The following STX17 variants were observed in gnomAD, a reference collection of about 807,000 sequenced individuals.
STX17 encodes syntaxin-17.
STX17 carries 29 observed loss-of-function variants against 35.9 expected under a neutral mutation model. That is an observed-to-expected ratio of 0.81 (90% CI 0.60 to 1.10). STX17 has a LOEUF of 1.10. Among genes scored for constraint, STX17 ranks in the 50% least tolerant of loss-of-function variants. The pLI is 0.00. For synonymous variants in STX17, 92 were observed against 118.3 expected, an observed-to-expected ratio of 0.78 and a Z score of 1.44; for missense variants, 312 against 352.3, an observed-to-expected ratio of 0.89 and a Z score of 0.92.
At chr9:99,934,326 G>C (rs2118398380) in intron 3 of STX17, among the ~76,000 whole-genome samples, 1 of 152,258 alleles carries the variant, frequency 6.6e-6, no homozygotes, top group South Asian at 2.1e-4. Flanking sequence ...AATTCAGGTG[G>C]ATAGGGATTC....
rs78931902 is a variant in STX17, at chr9:99,930,733, T to C, written c.189+1890T>C. Reference sequence around the variant, plus strand: ...TATTATGCCTTCCTCATTTTTGCTTTATTCTGTTGTTTTATTGGAGTAATC... The same window carrying C: ...TATTATGCCTTCCTCATTTTTGCTTCATTCTGTTGTTTTATTGGAGTAATC... On this transcript the variant is annotated intron_variant, in intron 3 of 7. Coordinates refer to ENST00000259400, the MANE Select transcript of STX17 (RefSeq NM_017919.3). Among the ~76,000 whole-genome samples, 6 of 152,336 alleles carry C rather than the reference T, an allele frequency of 3.9e-5. No homozygotes were observed. In the East Asian group the frequency reaches 1.2e-3, roughly 29 times the overall value.
rs999192166 is a variant in STX17, at chr9:99,972,533, G to C, written c.*3860G>C. ...AGGATTTTGAGGTTATACTGAAACTGAGTGCTGTACAGGGAGAATTGCATG... is the reference window on the plus strand; with the variant it reads ...AGGATTTTGAGGTTATACTGAAACTCAGTGCTGTACAGGGAGAATTGCATG... On this transcript the variant is annotated 3_prime_UTR_variant, in exon 8 of 8. Coordinates refer to ENST00000259400, the MANE Select transcript of STX17 (RefSeq NM_017919.3). Among the ~76,000 whole-genome samples the C allele has an allele frequency of 2.0e-5, 3 of 152,174 alleles. No individual in the cohort carries two copies. The highest frequency in any genetic ancestry group is 7.2e-5 in the African/African-American group (3 of 41,440).
At chr9:99,955,998 GC>G (rs1183947749) in intron 4 of STX17, among the ~76,000 whole-genome samples, 48 of 152,220 alleles carry the variant, frequency 3.2e-4, no homozygotes, top group African/African-American at 1.1e-3. Flanking sequence ...TTAAATGCAA[GC>G]TGGAATAAAT....
intron 6 of STX17, among the ~76,000 whole-genome samples, chr9:99,963,468 C>T (rs143402296): frequency 6.6e-6 from 1 of 152,162 alleles, no homozygotes; most frequent in Non-Finnish European, 1.5e-5. Flanking sequence ...TGGATTAGAT[C>T]AGATTCCTTC....
intron 4 of STX17, 61 bp downstream of exon 4, chr9:99,951,346 T>C: frequency 1.4e-6 from 2 of 1,466,688 alleles, no homozygotes; most frequent in Non-Finnish European, 1.9e-6. Context: ...AAAGATCACC[T>C]CCTTGAGTAG....
chr9:99,913,024 C>G (rs566776468), intron 1 of STX17, among the ~76,000 whole-genome samples: 135 of 152,232 alleles, frequency 8.9e-4, no homozygotes, highest in African/African-American at 3.1e-3. Context: ...TACCAACTCT[C>G]TCAGCACTTT....
intron 2 of STX17, among the ~76,000 whole-genome samples, chr9:99,919,733 T>C (rs1049937319): frequency 6.6e-6 from 1 of 152,228 alleles, no homozygotes; most frequent in African/African-American, 2.4e-5. Flanking sequence ...TAAATATTTA[T>C]TGATGTTTGC....
Position 99,968,952 on chromosome 9 carries a change from T to G in STX17, c.*279T>G, listed in dbSNP as rs1157365709. The stretch of plus-strand genomic sequence containing the variant: ...ATTTTCTCCCTGGAAATGTGAAAAC[T>G]GAACCTATAACTCTGATAAGGACTT... On this transcript the variant is annotated 3_prime_UTR_variant, in exon 8 of 8. Coordinates refer to ENST00000259400, the MANE Select transcript of STX17 (RefSeq NM_017919.3). 2 of 288,052 alleles carry G rather than the reference T, an allele frequency of 6.9e-6. No individual in the cohort carries two copies. The highest frequency in any genetic ancestry group is 1.3e-5 in the Non-Finnish European group (2 of 155,628). The allele number at this position is 288,052 out of a possible 1,614,324, so 17.8% of individuals were successfully genotyped here. A position where few individuals can be genotyped will look rare whatever the true frequency, so the allele number is the denominator to read the frequency against.
intron 2 of STX17, among the ~76,000 whole-genome samples, chr9:99,919,429 A>G (rs891403150): frequency 6.6e-6 from 1 of 151,686 alleles, no homozygotes; most frequent in Non-Finnish European, 1.5e-5. Context: ...TCTCATTGCC[A>G]CTCTTCCCTA....
intron 3 of STX17, among the ~76,000 whole-genome samples, chr9:99,939,445 C>T (rs768487286): frequency 9.2e-5 from 14 of 152,110 alleles, no homozygotes; most frequent in African/African-American, 2.9e-4. Flanking sequence ...TCTAAAACAT[C>T]GTCAGTTGTA....
intron 4 of STX17, among the ~76,000 whole-genome samples, chr9:99,957,472 G>T (rs536372887): frequency 6.6e-6 from 1 of 152,210 alleles, no homozygotes; most frequent in East Asian, 1.9e-4. Flanking sequence ...TACTCAGTGG[G>T]TGCTCAGAAA....
intron 6 of STX17, among the ~76,000 whole-genome samples, chr9:99,963,322 A>T (rs1829861821): frequency 6.6e-6 from 1 of 152,118 alleles, no homozygotes; most frequent in Non-Finnish European, 1.5e-5. Context: ...GTCAAGGAGA[A>T]TTTAAAGAAC....
intron 4 of STX17, among the ~76,000 whole-genome samples, chr9:99,959,233 C>T (rs529695060): frequency 6.6e-6 from 1 of 151,996 alleles, no homozygotes; most frequent in South Asian, 2.1e-4. Context: ...TTTTAAATGA[C>T]TGTGTAGATT....
At chr9:99,923,006 C>T (rs1364403909) in intron 2 of STX17, among the ~76,000 whole-genome samples, 1 of 152,222 alleles carries the variant, frequency 6.6e-6, no homozygotes, top group Non-Finnish European at 1.5e-5. Flanking sequence ...AAATAAACCT[C>T]TCAAAACCTG....
chr9:99,935,598 G>C (rs888540658), intron 3 of STX17, among the ~76,000 whole-genome samples: 1 of 152,108 alleles, frequency 6.6e-6, no homozygotes, highest in Admixed American at 6.6e-5. Context: ...CATCTGTGGC[G>C]GTGGCAAGTG....
At chr9:99,945,785 TA>T in intron 3 of STX17, 9 of 383,542 alleles carry the variant, frequency 2.3e-5, no homozygotes, top group South Asian at 5.8e-5. Context: ...TTTTTTTTTT[TA>T]AATGGACAGT....
At chr9:99,945,737 G>T in intron 3 of STX17, 1 of 397,770 alleles carries the variant, frequency 2.5e-6, no homozygotes, top group Non-Finnish European at 5.0e-6. Context: ...CTACATTTGA[G>T]CCTTCTCCAA....
chr9:99,910,217 A>C (rs1020653048), intron 1 of STX17, among the ~76,000 whole-genome samples: 2 of 151,898 alleles, frequency 1.3e-5, no homozygotes, highest in African/African-American at 4.8e-5. Flanking sequence ...TGGGCAAAAG[A>C]GTGAGACTCC....
intron 1 of STX17, among the ~76,000 whole-genome samples, chr9:99,907,999 T>C (rs1489232571): frequency 6.6e-6 from 1 of 152,250 alleles, no homozygotes; most frequent in Non-Finnish European, 1.5e-5. Flanking sequence ...CTTTACACTT[T>C]TGAAGAATGC....
Sources: allele counts gnomAD v4.1 joint callset (sites outside exome capture counted in the v4.1 genomes callset), GRCh38; gene constraint gnomAD v4.1.1; transcripts MANE v1.5; gene names NCBI Gene and HGNC (gene_info 2026-07-23, HGNC 2026-07-21).